ROBO1: variants seen among roughly 807,000 people sequenced by gnomAD.
ROBO1 encodes the protein roundabout homolog 1.
ROBO1 carries 149 observed loss-of-function variants against 195.9 expected under a neutral mutation model. That is an observed-to-expected ratio of 0.76 (90% CI 0.67 to 0.87). The LOEUF is 0.87. Ranked by LOEUF, ROBO1 falls within the 40% of genes least tolerant of loss-of-function variation. The probability of loss-of-function intolerance (pLI) is 0.00; values close to 1 mark genes in which losing one functional copy is unlikely to be tolerated. For synonymous variants in ROBO1, 816 were observed against 733.2 expected (o/e 1.11, Z -1.82); for missense variants, 1,933 against 2,068.3 (o/e 0.93, Z 1.27).
rs1349966246 is a variant in ROBO1 at position 78,657,146 on chromosome 3, T to C, written c.2566A>G (p.Thr856Ala). Reference protein sequence around the residue: ...IRYSVEVAASTGAGSGVKSEP... With the variant: ...IRYSVEVAASAGAGSGVKSEP... ...CTCTTTACCCCAGACCCAGCCCCAG[T>C]GCTGGCTGCCACTTCCACACTGTAT... Residue 856 changes from threonine (T) to alanine (A), a missense_variant, in exon 18 of 31, where the codon ACT (threonine) becomes GCT (alanine). Around this residue, in one of 3 missense-constraint regions of ROBO1, gnomAD observed 1,737 missense variants for 1,882.5 expected, o/e 0.92. Coordinates refer to ENST00000464233, the MANE Select transcript of ROBO1 (RefSeq NM_002941.4). The C allele has an allele frequency of 2.5e-6, 4 of 1,612,528 alleles. No homozygotes were observed. The highest frequency in any genetic ancestry group is 3.4e-6 in the Non-Finnish European group (4 of 1,179,298).
chr3:79,478,733 A>G (rs935453813), intron 2 of ROBO1, among the ~76,000 whole-genome samples: 2 of 151,730 alleles, frequency 1.3e-5, no homozygotes, highest in Non-Finnish European at 2.9e-5. Context: ...ACTGTTCTCT[A>G]CCTGCCAGTA....
At chr3:79,092,959 A>T (rs926562199) in intron 3 of ROBO1, among the ~76,000 whole-genome samples, 1 of 152,202 alleles carries the variant, frequency 6.6e-6, no homozygotes, top group African/African-American at 2.4e-5. Flanking sequence ...CAAATTTAAG[A>T]TGTTAAATTC....
chr3:78,766,692 T>C (rs1200385930), intron 4 of ROBO1, among the ~76,000 whole-genome samples: 1 of 152,186 alleles, frequency 6.6e-6, no homozygotes, highest in African/African-American at 2.4e-5. Context: ...CCTTGTCTTG[T>C]TCCCGTTCTC....
At chr3:79,554,593 T>G (rs1044328685) in intron 2 of ROBO1, among the ~76,000 whole-genome samples, 5 of 151,978 alleles carry the variant, frequency 3.3e-5, no homozygotes, top group Non-Finnish European at 7.4e-5. Flanking sequence ...ATCCAAAACT[T>G]GGAATGTGCT....
intron 4 of ROBO1, among the ~76,000 whole-genome samples, chr3:78,860,326 A>ATATATATT (rs376853384): frequency 0.089 from 8,314 of 93,200 alleles, 611 homozygotes; most frequent in Middle Eastern, 0.15. Flanking sequence ...ATATATATAT[A>ATATATATT]TTTTTTTTTT....
At chr3:78,604,347 G>C (rs1435207393) in intron 29 of ROBO1, among the ~76,000 whole-genome samples, 3 of 152,168 alleles carry the variant, frequency 2.0e-5, no homozygotes, top group Non-Finnish European at 4.4e-5. Flanking sequence ...GGGATTACAG[G>C]CGTGAGCCAC....
intron 2 of ROBO1, among the ~76,000 whole-genome samples, chr3:79,211,070 A>C (rs2081958825): frequency 6.6e-6 from 1 of 152,184 alleles, no homozygotes; most frequent in Non-Finnish European, 1.5e-5. Context: ...ATCTTGGTTA[A>C]TAATAGAAAA....
intron 2 of ROBO1, among the ~76,000 whole-genome samples, chr3:79,192,520 C>T (rs1359291213): frequency 6.6e-6 from 1 of 151,542 alleles, no homozygotes; most frequent in Non-Finnish European, 1.5e-5. Flanking sequence ...AGCTGAGATA[C>T]AAACAATTAG....
chr3:79,370,552 C>G (rs938408835), intron 2 of ROBO1, among the ~76,000 whole-genome samples: 2 of 151,928 alleles, frequency 1.3e-5, no homozygotes, highest in Admixed American at 6.6e-5. Context: ...AACATGGGAA[C>G]CCTGGGATTG....
chr3:79,557,560 C>G (rs1054010237), intron 2 of ROBO1, among the ~76,000 whole-genome samples: 4 of 151,168 alleles, frequency 2.6e-5, no homozygotes, highest in Admixed American at 1.3e-4. Context: ...AAGGCGAAAC[C>G]CTGTCTGCAC....
chr3:79,574,059 T>C (rs1158358348), intron 2 of ROBO1, among the ~76,000 whole-genome samples: 1 of 152,098 alleles, frequency 6.6e-6, no homozygotes, highest in Non-Finnish European at 1.5e-5. Flanking sequence ...CAAAGAATTG[T>C]ACAATGAATA....
chr3:79,301,812 A>G lies in ROBO1; in HGVS notation c.89-176273T>C, dbSNP rs1298156853. ...ACCTAAAGACATTATGAATTGTGCA[A>G]TATTGGGCTGTGAAGCTGACCTTGG... On this transcript the variant is annotated intron_variant, in intron 2 of 30. Transcript: ENST00000464233. Among the ~76,000 whole-genome samples the G allele has an allele frequency of 5.3e-5, 8 of 152,324 alleles. No homozygotes were observed. In the South Asian group the frequency reaches 1.2e-3, roughly 24 times the overall value.
chr3:79,088,500 G>A (rs911232961), intron 3 of ROBO1, among the ~76,000 whole-genome samples: 8 of 151,948 alleles, frequency 5.3e-5, no homozygotes, highest in South Asian at 4.1e-4. Flanking sequence ...TGTATATACC[G>A]GATTGTTATA....
At chr3:79,112,119 T>C (rs1015079083) in intron 3 of ROBO1, among the ~76,000 whole-genome samples, 1 of 152,208 alleles carries the variant, frequency 6.6e-6, no homozygotes, top group Non-Finnish European at 1.5e-5. Flanking sequence ...TGTTTTGAAA[T>C]ATGGCTACTA....
intron 1 of ROBO1, among the ~76,000 whole-genome samples, chr3:79,669,270 C>T (rs1186320294): frequency 6.6e-6 from 1 of 151,774 alleles, no homozygotes. Flanking sequence ...TAAGAAGTGA[C>T]TTGCTACTGC....
At chr3:79,147,231 T>C (rs547017810) in intron 2 of ROBO1, among the ~76,000 whole-genome samples, 13 of 152,124 alleles carry the variant, frequency 8.5e-5, no homozygotes, top group African/African-American at 2.4e-4. Flanking sequence ...CTGATTTTAC[T>C]CTATCTTGAA....
chr3:79,425,007 A>G (rs1469620593), intron 2 of ROBO1, among the ~76,000 whole-genome samples: 2 of 152,178 alleles, frequency 1.3e-5, no homozygotes, highest in East Asian at 1.9e-4. Flanking sequence ...ATCAGCTGAT[A>G]GCGACATGCT....
At chr3:79,246,474 C>T (rs1365955429) in intron 2 of ROBO1, among the ~76,000 whole-genome samples, 1 of 152,034 alleles carries the variant, frequency 6.6e-6, no homozygotes, top group Non-Finnish European at 1.5e-5. Flanking sequence ...TCTTACCACT[C>T]CTGATTTATC....
intron 1 of ROBO1, among the ~76,000 whole-genome samples, chr3:79,634,477 T>C (rs1945438422): frequency 6.6e-6 from 1 of 152,150 alleles, no homozygotes; most frequent in South Asian, 2.1e-4. Flanking sequence ...TATCTCATTA[T>C]CATAAGGCTC....
Sources: allele counts gnomAD v4.1 joint callset (sites outside exome capture counted in the v4.1 genomes callset), GRCh38; gene constraint gnomAD v4.1.1; regional missense constraint gnomAD v4.1.1; transcripts MANE v1.5; gene names NCBI Gene and HGNC (gene_info 2026-07-23, HGNC 2026-07-21).